DROSHA: variants seen among roughly 807,000 people sequenced by gnomAD.
The protein encoded by DROSHA is drosha ribonuclease III.
Under a neutral mutation model 181.9 loss-of-function variants are expected in DROSHA, and 56 were observed. The ratio of observed to expected loss-of-function variants is 0.31; its 90% confidence interval spans 0.25 to 0.38. The LOEUF (loss-of-function observed/expected upper bound fraction) is 0.38. Among genes scored for constraint, DROSHA ranks in the 10% least tolerant of loss-of-function variants. The pLI, the probability that DROSHA is intolerant of heterozygous loss-of-function variation, is 1.00. For synonymous variants in DROSHA, 524 were observed against 591.2 expected, an observed-to-expected ratio of 0.89 and a Z score of 1.65; for missense variants, 1,218 against 1,743.5, an observed-to-expected ratio of 0.70 and a Z score of 5.37.
chr5:31,447,708 CTGA>C (rs1362777545), intron 23 of DROSHA, among the ~76,000 whole-genome samples: 7 of 152,086 alleles, frequency 4.6e-5, no homozygotes, highest in Non-Finnish European at 1.5e-5. Context: ...AGATATTTCT[CTGA>C]AGAAGATGAA....
rs1014042033 is a variant in DROSHA at position 31,402,429 on chromosome 5, T to C, written c.3995-867A>G. Among the ~76,000 whole-genome samples the C allele has an allele frequency of 3.3e-5, 5 of 152,332 alleles. No individual in the cohort carries two copies. In the East Asian group the frequency reaches 9.6e-4, roughly 29 times the overall value. On this transcript the variant is annotated intron_variant, in intron 35 of 35. Coordinates refer to ENST00000344624, the MANE Select transcript of DROSHA (RefSeq NM_001382508.1). ...GGCACAGCATACAATCAAGAGTACA[T>C]TCACACAACTTTCATTATAGTATAT...
intron 23 of DROSHA, among the ~76,000 whole-genome samples, chr5:31,446,313 G>A (rs568114471): frequency 1.3e-4 from 20 of 152,018 alleles, no homozygotes; most frequent in African/African-American, 4.1e-4. Context: ...CGGGTGTGGT[G>A]GCGGGCGCCT....
At chr5:31,504,658 C>T in intron 10 of DROSHA, 23 bp from the exon 11 acceptor site, 1 of 1,613,102 alleles carries the variant, frequency 6.2e-7, no homozygotes, top group South Asian at 1.1e-5. Flanking sequence ...CAATGTAATT[C>T]GTTTTTATTG....
chr5:31,513,836 T>C (rs1164988397), intron 8 of DROSHA, among the ~76,000 whole-genome samples: 1 of 152,158 alleles, frequency 6.6e-6, no homozygotes, highest in Non-Finnish European at 1.5e-5. Context: ...ATTTAATCAA[T>C]GAACATTACA....
chr5:31,437,899 A>C (rs1236962318), intron 23 of DROSHA, among the ~76,000 whole-genome samples: 1 of 152,054 alleles, frequency 6.6e-6, no homozygotes, highest in Non-Finnish European at 1.5e-5. Context: ...CTGCCACCCT[A>C]GAGCCTTCCA....
intron 17 of DROSHA, among the ~76,000 whole-genome samples, chr5:31,469,020 G>A (rs941281020): frequency 6.6e-6 from 1 of 152,160 alleles, no homozygotes; most frequent in Non-Finnish European, 1.5e-5. Flanking sequence ...ACCTACAACT[G>A]TGATACCAGC....
chr5:31,492,828 GCT>G (rs1408349378), intron 13 of DROSHA, among the ~76,000 whole-genome samples: 2 of 152,322 alleles, frequency 1.3e-5, no homozygotes, highest in South Asian at 2.1e-4. Context: ...TTCTGAATAA[GCT>G]CTGTTTCTTT....
At position 31,448,643 on chromosome 5, in the gene DROSHA, C is replaced by T. The variant is rs191985436; in HGVS notation, c.2822-36G>A. On this transcript the variant is annotated intron_variant, in intron 22 of 35. Coordinates refer to ENST00000344624, the MANE Select transcript of DROSHA (RefSeq NM_001382508.1). ...TAAAAAACAAATACACAAGTAAATA[C>T]GGATAGAAGAATTATAGGACCATCA... 3.4e-4 allele frequency: 508 copies of T among 1,503,466 alleles called. 2 individuals carry two copies. The highest frequency in any genetic ancestry group is 1.9e-4 in the Non-Finnish European group (208 of 1,084,162). 93.1% of individuals were successfully genotyped at this position (1,503,466 alleles called of 1,614,324 possible).
At chr5:31,402,235 G>C (rs1479928457) in intron 35 of DROSHA, among the ~76,000 whole-genome samples, 1 of 152,148 alleles carries the variant, frequency 6.6e-6, no homozygotes, top group Non-Finnish European at 1.5e-5. Flanking sequence ...TGGCATGCTT[G>C]GGGGCAAGTT....
chr5:31,430,256 TAGTC>T (rs1489301839), intron 26 of DROSHA, among the ~76,000 whole-genome samples: 4 of 152,332 alleles, frequency 2.6e-5, no homozygotes, highest in East Asian at 3.9e-4. Flanking sequence ...GTAACAATGA[TAGTC>T]AGAGTAACAG....
chr5:31,495,505 G>T, intron 11 of DROSHA, 133 bp from the exon 12 acceptor site: 1 of 811,074 alleles, frequency 1.2e-6, no homozygotes, highest in Non-Finnish European at 1.9e-6. Flanking sequence ...TGGTAGGAAA[G>T]AACAGTATTG....
In DROSHA at chr5:31,514,256, C is replaced by CATAT. The variant is rs1739029571; in HGVS notation, c.1290+731_1290+732insATAT. On this transcript the variant is annotated intron_variant, in intron 8 of 35. Transcript: ENST00000344624. The surrounding 1 kb of genome is among the most constrained non-coding windows in gnomAD (Gnocchi z 4.4). ...ACACACACACACACACACACACACA[C>CATAT]ACACATACACATACACACTACAAAC... Among the ~76,000 whole-genome samples the CATAT allele has an allele frequency of 6.7e-6, 1 of 150,192 alleles. No homozygotes were observed. The highest frequency in any genetic ancestry group is 1.5e-5 in the Non-Finnish European group (1 of 67,812).
chr5:31,415,709 G>A (rs559861905), intron 30 of DROSHA, among the ~76,000 whole-genome samples: 1 of 152,252 alleles, frequency 6.6e-6, no homozygotes, highest in South Asian at 2.1e-4. Flanking sequence ...AACACAGCAG[G>A]CACGGAGATT....
At chr5:31,478,353 A>G (rs1750645587) in intron 16 of DROSHA, among the ~76,000 whole-genome samples, 1 of 152,232 alleles carries the variant, frequency 6.6e-6, no homozygotes, top group African/African-American at 2.4e-5. Context: ...AAGTTTACGA[A>G]TTTGTGATGG....
chr5:31,424,371 G>A (rs1444822735), intron 28 of DROSHA, 56 bp downstream of exon 28: 1 of 1,558,004 alleles, frequency 6.4e-7, no homozygotes, highest in East Asian at 2.4e-5. Context: ...GCAAAGGAAA[G>A]TAACATGAAT....
chr5:31,423,288 A>G, intron 28 of DROSHA: 1 of 162,192 alleles, frequency 6.2e-6, no homozygotes, highest in Non-Finnish European at 1.3e-5. Flanking sequence ...ATGGTTCTCA[A>G]ACTCCAGCAT....
chr5:31,451,393 G>A, intron 21 of DROSHA, 140 bp downstream of exon 21: 1 of 692,696 alleles, frequency 1.4e-6, no homozygotes, highest in Non-Finnish European at 2.4e-6. Context: ...AGGCAACCAG[G>A]GTAGAGCAAT....
intron 20 of DROSHA, among the ~76,000 whole-genome samples, chr5:31,457,375 T>G (rs1747802073): frequency 6.6e-6 from 1 of 152,032 alleles, no homozygotes; most frequent in Admixed American, 6.6e-5. Flanking sequence ...TCTGCCCACC[T>G]CGGCCTCCCA....
At chr5:31,436,115 G>A (rs997165473) in intron 24 of DROSHA, among the ~76,000 whole-genome samples, 3 of 152,152 alleles carry the variant, frequency 2.0e-5, no homozygotes, top group Non-Finnish European at 1.5e-5. Context: ...TCTGAAATCT[G>A]ATGACAACAA....
Sources: allele counts gnomAD v4.1 joint callset (sites outside exome capture counted in the v4.1 genomes callset), GRCh38; gene constraint gnomAD v4.1.1; non-coding constraint Gnocchi (gnomAD v3.1); transcripts MANE v1.5; gene names NCBI Gene and HGNC (gene_info 2026-07-23, HGNC 2026-07-21).